Variants in DDX10 observed in about 807,000 individuals in gnomAD.
The protein encoded by DDX10 is DEAD-box helicase 10.
In DDX10, 74 loss-of-function variants were observed where a neutral mutation model predicts 104.3. The ratio of observed to expected loss-of-function variants is 0.71; its 90% CI spans 0.59 to 0.86. DDX10 has a LOEUF of 0.86. DDX10 is among the 40% of genes least tolerant of loss of function. The probability of loss-of-function intolerance (pLI) is 0.00; values close to 1 mark genes in which losing one functional copy is unlikely to be tolerated. For missense variants in DDX10, 952 were observed against 1,040.0 expected, an observed-to-expected ratio of 0.92 and a Z score of 1.16; for synonymous variants, 351 against 353.4, an observed-to-expected ratio of 0.99 and a Z score of 0.08.
chr11:108,705,898 G>A (rs377167153), intron 9 of DDX10, among the ~76,000 whole-genome samples: 1 of 152,264 alleles, frequency 6.6e-6, no homozygotes, highest in Non-Finnish European at 1.5e-5. Context: ...GATGCAGCAG[G>A]AAATAAGATT....
intron 13 of DDX10, among the ~76,000 whole-genome samples, chr11:108,788,383 C>G (rs1861824239): frequency 6.6e-6 from 1 of 151,116 alleles, no homozygotes; most frequent in African/African-American, 2.4e-5. Context: ...CTTTTTTGAG[C>G]TGGAGTTTTG....
chr11:108,723,127 G>A lies in DDX10; in HGVS notation c.1630G>A (p.Glu544Lys), dbSNP rs369811280. 29 of 1,613,850 alleles carry A rather than the reference G, an allele frequency of 1.8e-5. 1 individual carries two copies. The East Asian group carries it at 2.7e-4, about 15-fold the overall frequency. ...AAGGGCTCCCTCCCTCACCAATGACGAAGTGGAAGAATTTAGAGCCTACTT... is the reference window on the plus strand; with the variant it reads ...AAGGGCTCCCTCCCTCACCAATGACAAAGTGGAAGAATTTAGAGCCTACTT... ...EPRAPSLTND[E>K]VEEFRAYFNE... Residue 544 changes from glutamate to lysine, a missense_variant, in exon 13 of 18, where the codon GAA (glutamate) becomes AAA (lysine). By Grantham distance (56) the Glu-to-Lys change is moderately conservative (BLOSUM62 1). Around this residue, in one of 3 missense-constraint regions of DDX10, gnomAD observed 533 missense variants for 534.1 expected, o/e 1.00. Coordinates refer to ENST00000322536, the MANE Select transcript of DDX10 (RefSeq NM_004398.4).
At chr11:108,725,195 G>A (rs2094303850) in intron 13 of DDX10, among the ~76,000 whole-genome samples, 1 of 152,060 alleles carries the variant, frequency 6.6e-6, no homozygotes, top group Non-Finnish European at 1.5e-5. Context: ...TCATTGGATG[G>A]ATGTAGGTTT....
At chr11:108,757,306 TG>T (rs1346562051) in intron 13 of DDX10, among the ~76,000 whole-genome samples, 1 of 152,128 alleles carries the variant, frequency 6.6e-6, no homozygotes, top group African/African-American at 2.4e-5. Flanking sequence ...TTTGTGTATC[TG>T]TCTGTGTAAC....
intron 13 of DDX10, among the ~76,000 whole-genome samples, chr11:108,753,454 G>A (rs1183042808): frequency 1.3e-5 from 2 of 151,972 alleles, no homozygotes; most frequent in African/African-American, 2.4e-5. Flanking sequence ...TATTATGTAC[G>A]TATGTTGCTT....
intron 9 of DDX10, among the ~76,000 whole-genome samples, chr11:108,701,932 C>T (rs552850785): frequency 2.0e-4 from 30 of 152,174 alleles, no homozygotes; most frequent in Non-Finnish European, 3.1e-4. Flanking sequence ...GTGATCCACC[C>T]GCCTGGATCC....
At chr11:108,913,165 A>G (rs1863702016) in intron 16 of DDX10, among the ~76,000 whole-genome samples, 1 of 152,168 alleles carries the variant, frequency 6.6e-6, no homozygotes, top group African/African-American at 2.4e-5. Context: ...TCCTGAGGAC[A>G]TGCGCCCAAG....
chr11:108,797,067 C>T (rs1171797688), intron 13 of DDX10, among the ~76,000 whole-genome samples: 2 of 151,732 alleles, frequency 1.3e-5, no homozygotes, highest in East Asian at 3.9e-4. Context: ...CAAGATCTTG[C>T]TCTGTCGCCA....
intron 13 of DDX10, among the ~76,000 whole-genome samples, chr11:108,759,174 A>G (rs2094347834): frequency 6.6e-6 from 1 of 152,134 alleles, no homozygotes; most frequent in South Asian, 2.1e-4. Flanking sequence ...TTTAATAATT[A>G]ACCCATTTAT....
intron 13 of DDX10, among the ~76,000 whole-genome samples, chr11:108,819,404 C>A (rs1273939407): frequency 6.6e-6 from 1 of 152,146 alleles, no homozygotes; most frequent in Admixed American, 6.5e-5. Flanking sequence ...TTTAGATTAG[C>A]ATTTTGACCA....
At chr11:108,909,088 G>A (rs1450960552) in intron 16 of DDX10, among the ~76,000 whole-genome samples, 1 of 152,148 alleles carries the variant, frequency 6.6e-6, no homozygotes, top group Non-Finnish European at 1.5e-5. Flanking sequence ...TACTAATGAG[G>A]TGGCTTAGGG....
intron 17 of DDX10, among the ~76,000 whole-genome samples, chr11:108,932,329 C>G (rs1863985340): frequency 6.6e-6 from 1 of 152,004 alleles, no homozygotes; most frequent in Non-Finnish European, 1.5e-5. Context: ...TTCTCCTTCT[C>G]TTTGAAAATG....
chr11:108,818,602 T>G (rs1352248440), intron 13 of DDX10, among the ~76,000 whole-genome samples: 1 of 152,228 alleles, frequency 6.6e-6, no homozygotes, highest in Non-Finnish European at 1.5e-5. Context: ...CTTTTATTAG[T>G]ATCATAATTA....
chr11:108,780,192 G>T lies in DDX10; in HGVS notation c.1965+56730G>T, dbSNP rs555774038. On this transcript the variant is annotated intron_variant, in intron 13 of 17. Transcript: ENST00000322536. ...TCCAAAAATAAAATGCCAATTTATG[G>T]TTGGGTTGCTTTCTTTGAATAGATC... 8.2e-4 allele frequency among the ~76,000 whole-genome samples: 125 copies of T among 152,294 alleles called. 1 individual carries two copies. Among genetic ancestry groups the T allele is most frequent in the Admixed American group, 5.1e-3 (78 of 15,292 alleles).
At chr11:108,750,908 C>T (rs542323164) in intron 13 of DDX10, among the ~76,000 whole-genome samples, 3 of 128,212 alleles carry the variant, frequency 2.3e-5, no homozygotes, top group Non-Finnish European at 4.7e-5. Context: ...AATACATGTG[C>T]ATCACCACAC....
At chr11:108,801,926 C>T (rs775615569) in intron 13 of DDX10, among the ~76,000 whole-genome samples, 4 of 151,460 alleles carry the variant, frequency 2.6e-5, no homozygotes, top group Non-Finnish European at 4.4e-5. Flanking sequence ...AAATTCTCAA[C>T]ATAGCACTGT....
chr11:108,762,997 A>T (rs181693173), intron 13 of DDX10, among the ~76,000 whole-genome samples: 1 of 152,320 alleles, frequency 6.6e-6, no homozygotes, highest in East Asian at 1.9e-4. Context: ...AAGAAATTGC[A>T]GCCACAAAGT....
At chr11:108,852,111 T>G in intron 15 of DDX10, 42 bp from the exon 16 acceptor site, 1 of 1,492,844 alleles carries the variant, frequency 6.7e-7, no homozygotes, top group Non-Finnish European at 9.2e-7. Flanking sequence ...GTTTTATACC[T>G]AATTATATGC....
At chr11:108,784,804 C>G (rs1861767919) in intron 13 of DDX10, among the ~76,000 whole-genome samples, 1 of 152,112 alleles carries the variant, frequency 6.6e-6, no homozygotes, top group Admixed American at 6.6e-5. Flanking sequence ...AGGTTATCTT[C>G]TAGGATTTTT....
Sources: allele counts gnomAD v4.1 joint callset (sites outside exome capture counted in the v4.1 genomes callset), GRCh38; gene constraint gnomAD v4.1.1; regional missense constraint gnomAD v4.1.1; transcripts MANE v1.5; gene names NCBI Gene and HGNC (gene_info 2026-07-23, HGNC 2026-07-21).